Variants in RAG2 observed in about 807,000 individuals in gnomAD.
The protein encoded by RAG2 is recombination activating 2, also known as V(D)J recombination-activating protein 2.
In RAG2, 16 loss-of-function variants were observed where a neutral mutation model predicts 31.8. That is an observed-to-expected ratio of 0.50 (90% confidence interval 0.34 to 0.76). RAG2 has a LOEUF of 0.76. Among genes scored for constraint, RAG2 ranks in the 30% least tolerant of loss-of-function variants. The pLI, the probability that RAG2 is intolerant of heterozygous loss-of-function variation, is 0.01. For synonymous variants in RAG2, 199 were observed against 215.9 expected, an observed-to-expected ratio of 0.92 and a Z score of 0.68; for missense variants, 622 against 628.5, an observed-to-expected ratio of 0.99 and a Z score of 0.11.
rs1851105577 is a variant in RAG2, at chr11:36,594,081, A to G, written c.88T>C (p.Phe30Leu). The G allele has an allele frequency of 6.2e-7, 1 of 1,614,080 alleles. No individual in the cohort carries two copies. Among genetic ancestry groups the G allele is most frequent in the Admixed American group, 1.7e-5 (1 of 60,002 alleles). The stretch of plus-strand genomic sequence containing the variant: ...TTGGGCCAGCCTTTTTGTCCAAAGA[A>G]GAAAACTTGTCCATCAAAATTCATC... ...SLMNFDGQVF[F>L]FGQKGWPKRS... is the part of the protein sequence containing the mutation. Residue 30 changes from phenylalanine to leucine, a missense_variant, in exon 2 of 2, where the codon TTC becomes CTC. Transcript: ENST00000311485.
rs746734641 is a variant in RAG2, at chr11:36,594,066, CT to C, written c.102del (p.Gly35AlafsTer16). ...GTGGGGCAGGATCTTTTGGGCCAGC[CT>C]TTTTGTCCAAAGAAGAAAACTTGTC... ...FDGQVFFFGQ[K>X]GWPKRSCPTG... On this transcript the variant is annotated frameshift_variant, in exon 2 of 2. Coordinates refer to ENST00000311485, the MANE Select transcript of RAG2 (RefSeq NM_000536.4). LOFTEE classifies it high-confidence loss of function. 1 of 1,614,038 alleles carries C rather than the reference CT, an allele frequency of 6.2e-7. No individual in the cohort carries two copies. The highest frequency in any genetic ancestry group is 1.1e-5 in the South Asian group (1 of 91,062).
chr11:36,592,809 C>T lies in RAG2; in HGVS notation c.1360G>A (p.Val454Ile). The T allele has an allele frequency of 6.2e-7, 1 of 1,614,100 alleles. No individual in the cohort carries two copies. Among genetic ancestry groups the T allele is most frequent in the African/African-American group, 1.3e-5 (1 of 75,018 alleles). ...IYCSHGDGHW[V>I]HAQCMDLAER... ...GCCAGATCCATGCACTGAGCATGGA[C>T]CCAGTGCCCATCCCCATGAGAGCAG... Residue 454 changes from valine to isoleucine, a missense_variant, in exon 2 of 2, where the codon GTC becomes ATC. Val to Ile is a conservative substitution (Grantham distance 29). Coordinates refer to ENST00000311485, the MANE Select transcript of RAG2 (RefSeq NM_000536.4).
chr11:36,593,917 C>T lies in RAG2; in HGVS notation c.252G>A (p.Leu84=), dbSNP rs761118163. 1 of 1,614,186 alleles carries T rather than the reference C, an allele frequency of 6.2e-7. No homozygotes were observed. The highest frequency in any genetic ancestry group is 1.7e-5 in the Admixed American group (1 of 60,030). The part of the protein sequence containing the change: ...YPATCTFKGS[L]ESEKHQYIIH... ...TGATGTATTGATGCTTTTCAGACTC[C>T]AAGCTGCCTTTGAATGTGCAAGTGG... Residue 84 remains leucine (L), a synonymous_variant, in exon 2 of 2, where the codon TTG becomes TTA. Coordinates refer to ENST00000311485, the MANE Select transcript of RAG2 (RefSeq NM_000536.4).
Position 36,593,318 on chromosome 11 carries a change from C to T in RAG2, c.851G>A (p.Arg284Lys). 6.2e-7 allele frequency: 1 copy of T among 1,614,072 alleles called. No homozygotes were observed. Among genetic ancestry groups the T allele is most frequent in the Non-Finnish European group, 8.5e-7 (1 of 1,180,014 alleles). Reference sequence around the variant, plus strand: ...TAAAGAGATGATGTTGCAGATCATTCTTTTTTGATTTTCAAGCTGATAGCC... The same window carrying T: ...TAAAGAGATGATGTTGCAGATCATTTTTTTTTGATTTTCAAGCTGATAGCC... ...VGGYQLENQK[R>K]MICNIISLED... is the part of the protein sequence containing the mutation. Residue 284 changes from arginine (R) to lysine (K), a missense_variant, in exon 2 of 2, where the codon AGA becomes AAA. Coordinates refer to ENST00000311485, the MANE Select transcript of RAG2 (RefSeq NM_000536.4).
In RAG2 at chr11:36,593,355, C is replaced by T. The variant is rs117899975; in HGVS notation, c.814G>A (p.Val272Ile). 7.6e-5 allele frequency: 123 copies of T among 1,614,072 alleles called. 1 individual carries two copies. The East Asian group carries it at 9.4e-4, about 12-fold the overall frequency. ...TCAAGCTGATAGCCACCAACAATAA[C>T]AAATTCATCATTGTTAGTTTGAGTC... ...ILTQTNNDEF[V>I]IVGGYQLENQ... Residue 272 changes from valine to isoleucine, a missense_variant, in exon 2 of 2, where the codon GTT becomes ATT. By Grantham distance (29) the Val-to-Ile change is conservative. Coordinates refer to ENST00000311485, the MANE Select transcript of RAG2 (RefSeq NM_000536.4).
intron 1 of RAG2, among the ~76,000 whole-genome samples, chr11:36,596,209 GTGTTTTTTTTT>G (rs1464071173): frequency 1.6e-5 from 2 of 122,904 alleles, no homozygotes; most frequent in Admixed American, 8.1e-5. Flanking sequence ...TGAGATGGTA[GTGTTTTTTTTT>G]TGTTTTTTTT....
chr11:36,593,707 A>G lies in RAG2; in HGVS notation c.462T>C (p.Val154=). Residue 154 remains valine, a synonymous_variant, in exon 2 of 2, where the codon GTT becomes GTC. Coordinates refer to ENST00000311485, the MANE Select transcript of RAG2 (RefSeq NM_000536.4). The part of the protein sequence containing the change: ...VVYSRGKSMG[V]LFGGRSYMPS... ...GCATGTATGAGCGTCCTCCAAAGAG[A>G]ACACCCATACTTTTCCCTCGGCTGT... The G allele has an allele frequency of 6.2e-7, 1 of 1,614,104 alleles. No homozygotes were observed. The highest frequency in any genetic ancestry group is 8.5e-7 in the Non-Finnish European group (1 of 1,180,008).
chr11:36,591,445 T>C (rs1851019876), downstream of RAG2, among the ~76,000 whole-genome samples: 1 of 152,116 alleles, frequency 6.6e-6, no homozygotes, highest in South Asian at 2.1e-4. Context: ...GGAAAGACAT[T>C]TGTTTCTAAG....
At chr11:36,591,461 C>G (rs1180169830), downstream of RAG2, among the ~76,000 whole-genome samples, 1 of 151,972 alleles carries the variant, frequency 6.6e-6, no homozygotes, top group Non-Finnish European at 1.5e-5. Context: ...CTAAGGTCAT[C>G]TAGTTATCAA....
rs1254138271 is a variant in RAG2 at position 36,593,458 on chromosome 11, C to A, written c.711G>T (p.Arg237Ser). ...NIRPANLYRI[R>S]VDLPLGSPAV... ...CTGGGCTACCCAGGGGAAGATCAAC[C>A]CTTATTCTGTACAGGTTGGCAGGCC... Residue 237 changes from arginine (R) to serine (S), a missense_variant, in exon 2 of 2, where the codon AGG (arginine) becomes AGT (serine). Arg to Ser is a moderately radical substitution (Grantham distance 110). Coordinates refer to ENST00000311485, the MANE Select transcript of RAG2 (RefSeq NM_000536.4). 19 of 1,613,832 alleles carry A rather than the reference C, an allele frequency of 1.2e-5. No homozygotes were observed. The highest frequency in any genetic ancestry group is 1.4e-5 in the Non-Finnish European group (17 of 1,180,018).
At chr11:36,594,571 T>C in intron 1 of RAG2, 1 of 218,184 alleles carries the variant, frequency 4.6e-6, no homozygotes, top group East Asian at 1.1e-4. Flanking sequence ...GGAATGTGTC[T>C]GTGAATAAAG....
Position 36,592,867 on chromosome 11 carries a change from A to G in RAG2, c.1302T>C (p.Tyr434=). The G allele has an allele frequency of 6.2e-7, 1 of 1,614,172 alleles. No individual in the cohort carries two copies. The highest frequency in any genetic ancestry group is 8.5e-7 in the Non-Finnish European group (1 of 1,180,028). The stretch of plus-strand genomic sequence containing the variant: ...TGGCGGGTTTGTTGAGCTCAGTTGA[A>G]TAGAATGGTACCCAAGTGTTGATAT... The part of the protein sequence containing the change: ...DVDINTWVPF[Y]STELNKPAMI... The change falls in exon 2 of 2, where the codon TAT becomes TAC. Residue 434 remains tyrosine, a synonymous_variant. Coordinates refer to ENST00000311485, the MANE Select transcript of RAG2 (RefSeq NM_000536.4).
At chr11:36,595,622 A>G (rs1319368461) in intron 1 of RAG2, among the ~76,000 whole-genome samples, 1 of 152,216 alleles carries the variant, frequency 6.6e-6, no homozygotes, top group Non-Finnish European at 1.5e-5. Context: ...AAGTTATGTA[A>G]CCTCTGTGTG....
rs953085204 is a variant in RAG2 at position 36,593,226 on chromosome 11, T to C, written c.943A>G (p.Lys315Glu). The change falls in exon 2 of 2, where the codon AAG becomes GAG. Residue 315 changes from lysine (K) to glutamate (E), a missense_variant. Coordinates refer to ENST00000311485, the MANE Select transcript of RAG2 (RefSeq NM_000536.4). Reference sequence around the variant, plus strand: ...CCCATGTTGCTTCCAAACCATATCTTGCTGTGCTTAATGTCTGGGGTCCAA... The same window carrying C: ...CCCATGTTGCTTCCAAACCATATCTCGCTGTGCTTAATGTCTGGGGTCCAA... ...PDWTPDIKHS[K>E]IWFGSNMGNG... The C allele has an allele frequency of 6.2e-7, 1 of 1,614,234 alleles. No homozygotes were observed. The highest frequency in any genetic ancestry group is 8.5e-7 in the Non-Finnish European group (1 of 1,180,030).
downstream of RAG2, among the ~76,000 whole-genome samples, chr11:36,591,745 T>C (rs1022331870): frequency 2.0e-5 from 3 of 152,146 alleles, no homozygotes; most frequent in South Asian, 6.2e-4. Context: ...ATTTATTTGG[T>C]GGTCCTTTCT....
Position 36,592,894 on chromosome 11 carries a change from C to T in RAG2, c.1275G>A (p.Val425=), listed in dbSNP as rs747119015. The T allele has an allele frequency of 2.5e-6, 4 of 1,614,120 alleles. No individual in the cohort carries two copies. The highest frequency in any genetic ancestry group is 2.2e-5 in the South Asian group (2 of 91,072). Residue 425 remains valine, a synonymous_variant, in exon 2 of 2, where the codon GTG becomes GTA. Transcript: ENST00000311485. ...AGAATGGTACCCAAGTGTTGATATC[C>T]ACATCACAAGTAGGGCAGCATGTAA... ...YWITCCPTCD[V]DINTWVPFYS...
At chr11:36,591,171 C>T (rs908643448), downstream of RAG2, among the ~76,000 whole-genome samples, 17 of 152,182 alleles carry the variant, frequency 1.1e-4, no homozygotes, top group South Asian at 8.3e-4. Flanking sequence ...GAATATTCAG[C>T]GAGCAACATT....
At chr11:36,591,242 G>A (rs1337862478), downstream of RAG2, among the ~76,000 whole-genome samples, 1 of 152,102 alleles carries the variant, frequency 6.6e-6, no homozygotes, top group African/African-American at 2.4e-5. Flanking sequence ...TGGGGACATG[G>A]AACTTTCAGC....
chr11:36,595,379 C>T (rs970394998), intron 1 of RAG2: 7 of 152,310 alleles, frequency 4.6e-5, no homozygotes, highest in African/African-American at 1.7e-4. Context: ...TGATAAATTT[C>T]TATTTTATTA....
Sources: gnomAD v4.1 joint callset for allele counts (sites outside exome capture counted in the v4.1 genomes callset) on GRCh38, gnomAD v4.1.1 for gene constraint, MANE v1.5 for transcripts, NCBI Gene and HGNC (gene_info 2026-07-23, HGNC 2026-07-21) for gene names.